The following BTBD7 variants were observed in gnomAD, a reference collection of about 807,000 sequenced individuals.
BTBD7 encodes BTB domain containing 7.
A neutral mutation model predicts 99.9 loss-of-function variants in BTBD7; 38 were observed. The ratio of observed to expected loss-of-function variants is 0.38; its 90% CI spans 0.29 to 0.50. The LOEUF is 0.50. Among genes scored for constraint, BTBD7 ranks in the 20% least tolerant of loss-of-function variants. The pLI, the probability that BTBD7 is intolerant of heterozygous loss-of-function variation, is 0.93. For synonymous variants in BTBD7, 520 were observed against 511.4 expected (o/e 1.02, Z -0.23); for missense variants, 1,170 against 1,394.6 (o/e 0.84, Z 2.57).
intron 1 of BTBD7, among the ~76,000 whole-genome samples, chr14:93,320,204 A>G (rs1426334065): frequency 6.6e-6 from 1 of 152,172 alleles, no homozygotes; most frequent in Non-Finnish European, 1.5e-5. Context: ...ACAAATGAGT[A>G]AGTGGACAGA....
Position 93,304,436 on chromosome 14 carries a change from C to T in BTBD7, c.-106-8279G>A, listed in dbSNP as rs146771858. On this transcript the variant is annotated intron_variant, in intron 1 of 10. Coordinates refer to ENST00000334746, the MANE Select transcript of BTBD7 (RefSeq NM_001002860.4). ...GCGCAATCTTGGCTCACTGCAACCT[C>T]TGCCATCCAGGTTCGAGCGATTCTC... 5.4e-3 allele frequency among the ~76,000 whole-genome samples: 816 copies of T among 152,354 alleles called. 12 individuals are homozygous for T. Among genetic ancestry groups the T allele is most frequent in the Middle Eastern group, 0.051 (15 of 294 alleles).
chr14:93,248,709 C>G, intron 8 of BTBD7, 55 bp from the exon 9 acceptor site: 2 of 1,450,102 alleles, frequency 1.4e-6, no homozygotes. Flanking sequence ...CAAAAGACGA[C>G]CCCGTGAGCC....
At chr14:93,319,284 A>G (rs1407833163) in intron 1 of BTBD7, among the ~76,000 whole-genome samples, 1 of 152,208 alleles carries the variant, frequency 6.6e-6, no homozygotes, top group Non-Finnish European at 1.5e-5. Context: ...ATGTTAAACT[A>G]TGGAGAAATA....
chr14:93,251,553 CATT>C lies in BTBD7; in HGVS notation c.1849_1851del (p.Asn617del). On this transcript the variant is annotated inframe_deletion, in exon 8 of 11. Coordinates refer to ENST00000334746, the MANE Select transcript of BTBD7 (RefSeq NM_001002860.4). ...ATCATGTGACAACACTGTGGCACGG[CATT>C]ATTGACCATGTAGAGCGTGTCTGGC... The C allele has an allele frequency of 5.6e-6, 9 of 1,614,000 alleles. No homozygotes were observed. The highest frequency in any genetic ancestry group is 7.6e-6 in the Non-Finnish European group (9 of 1,179,934).
At chr14:93,246,682 G>C (rs1432968444) in intron 9 of BTBD7, among the ~76,000 whole-genome samples, 1 of 152,240 alleles carries the variant, frequency 6.6e-6, no homozygotes, top group African/African-American at 2.4e-5. Context: ...AGACATCTAT[G>C]CCTGCTCTGT....
intron 1 of BTBD7, 135 bp from the exon 2 acceptor site, chr14:93,296,292 A>C (rs2052926110): frequency 1.7e-6 from 1 of 584,620 alleles, no homozygotes; most frequent in Admixed American, 4.1e-5. Flanking sequence ...TCAAATTTTC[A>C]TAAAATGTAA....
At position 93,240,294 on chromosome 14, in the gene BTBD7, C is replaced by T. The variant is rs2052210019; in HGVS notation, c.*1979G>A. ...TTTGCCGGGGCGTGCAGACACACGA[C>T]ATGTTTCCCATCTTGGAGACTATCT... On this transcript the variant is annotated 3_prime_UTR_variant, in exon 11 of 11. Coordinates refer to ENST00000334746, the MANE Select transcript of BTBD7 (RefSeq NM_001002860.4). 6.5e-6 allele frequency: 1 copy of T among 152,682 alleles called. No individual in the cohort carries two copies. Among genetic ancestry groups the T allele is most frequent in the Non-Finnish European group, 1.5e-5 (1 of 68,064 alleles). 9.5% of individuals were successfully genotyped at this position (152,682 alleles called of 1,614,324 possible). A position where few individuals can be genotyped will look rare whatever the true frequency, so the allele number is the denominator to read the frequency against.
Position 93,300,762 on chromosome 14 carries a change from GTGTGTGTGTGTATA to G in BTBD7, c.-106-4619_-106-4606del, listed in dbSNP as rs1427407902. On this transcript the variant is annotated intron_variant, in intron 1 of 10. Transcript: ENST00000334746. ...TGTGTGTGTGTGTGTGTGTGTGTGT[GTGTGTGTGTGTATA>G]TATATATATATTTTTTTTTTGTAGA... is the stretch of plus-strand genomic sequence containing the variant. Among the ~76,000 whole-genome samples, 46 of 33,292 alleles carry G rather than the reference GTGTGTGTGTGTATA, an allele frequency of 1.4e-3. 2 individuals carry two copies. Among genetic ancestry groups the G allele is most frequent in the East Asian group, 4.8e-3 (7 of 1,460 alleles). The allele number at this position is 33,292 out of a possible 152,430, so 21.8% of individuals were successfully genotyped here. A position where few individuals can be genotyped will look rare whatever the true frequency, so the allele number is the denominator to read the frequency against.
intron 9 of BTBD7, among the ~76,000 whole-genome samples, chr14:93,247,989 G>A (rs1252458042): frequency 1.3e-5 from 2 of 152,190 alleles, no homozygotes; most frequent in African/African-American, 4.8e-5. Context: ...TGAGGAAGTA[G>A]ACCAAACCTC....
chr14:93,263,550 GC>G (rs2052511970), intron 4 of BTBD7, among the ~76,000 whole-genome samples: 1 of 152,204 alleles, frequency 6.6e-6, no homozygotes, highest in Admixed American at 6.5e-5. Flanking sequence ...TCTTTTTGGT[GC>G]ATTTGGCTGG....
At chr14:93,299,523 T>C (rs772511559) in intron 1 of BTBD7, among the ~76,000 whole-genome samples, 24 of 152,230 alleles carry the variant, frequency 1.6e-4, no homozygotes, top group Admixed American at 1.2e-3. Context: ...GCCCAGAATA[T>C]GCAAAAGGCT....
rs1156390307 is a variant in BTBD7, at chr14:93,318,412, G to GT, written c.-107+14407dup. 8.5e-5 allele frequency among the ~76,000 whole-genome samples: 13 copies of GT among 152,186 alleles called. No individual in the cohort carries two copies. The East Asian group carries it at 2.1e-3, about 25-fold the overall frequency. ...AGAGTGATGTCAGCTTTAAAATAAT[G>GT]TTTTTTTAAGTTAGATTTATTTAAT... On this transcript the variant is annotated intron_variant, in intron 1 of 10. Coordinates refer to ENST00000334746, the MANE Select transcript of BTBD7 (RefSeq NM_001002860.4).
intron 3 of BTBD7, among the ~76,000 whole-genome samples, chr14:93,281,935 T>A: frequency 6.6e-6 from 1 of 152,244 alleles, no homozygotes; most frequent in East Asian, 1.9e-4. Flanking sequence ...ATGAATATTA[T>A]CAATCGTATT....
In BTBD7 at chr14:93,294,204, T is replaced by A. The variant is rs527919457; in HGVS notation, c.816A>T (p.Glu272Asp). 1.1e-5 allele frequency: 17 copies of A among 1,614,098 alleles called. No individual in the cohort carries two copies. In the African/African-American group the frequency reaches 2.3e-4, roughly 22 times the overall value. ...TAACAGCCTTGTGGGCTTTGAGCTC[T>A]TCATCTAAACAGTTCTGATTTCCAC... ...AFGGNQNCLD[E>D]ELKAHKAVIS... The change falls in exon 3 of 11, where the codon GAA (glutamate) becomes GAT (aspartate). Residue 272 changes from glutamate (E) to aspartate (D), a missense_variant. Around this residue, in one of 4 missense-constraint regions of BTBD7, gnomAD observed 359 missense variants for 497.9 expected, o/e 0.72. Coordinates refer to ENST00000334746, the MANE Select transcript of BTBD7 (RefSeq NM_001002860.4).
chr14:93,301,979 A>C (rs558464391), intron 1 of BTBD7, among the ~76,000 whole-genome samples: 1 of 152,310 alleles, frequency 6.6e-6, no homozygotes, highest in South Asian at 2.1e-4. Flanking sequence ...AATTGACATC[A>C]GGGATAAGGT....
At chr14:93,304,589 T>G (rs111393535) in intron 1 of BTBD7, among the ~76,000 whole-genome samples, 1,735 of 152,300 alleles carry the variant, frequency 0.011, 31 homozygotes, top group African/African-American at 0.039. Context: ...TGACCTCAGG[T>G]GATCTGCCGG....
chr14:93,310,935 A>G (rs2053130043), intron 1 of BTBD7, among the ~76,000 whole-genome samples: 1 of 152,108 alleles, frequency 6.6e-6, no homozygotes, highest in African/African-American at 2.4e-5. Context: ...AAACGATCAC[A>G]TGATAGTCTA....
chr14:93,287,603 T>C (rs1441894602), intron 3 of BTBD7: 1 of 152,194 alleles, frequency 6.6e-6, no homozygotes, highest in Admixed American at 6.5e-5. Flanking sequence ...TAATTCTTCA[T>C]AAATGCACCA....
chr14:93,318,636 G>C (rs1215752250), intron 1 of BTBD7, among the ~76,000 whole-genome samples: 1 of 152,174 alleles, frequency 6.6e-6, no homozygotes, highest in Non-Finnish European at 1.5e-5. Context: ...GAGTAAAGGA[G>C]AGTATAAAAA....
Sources: allele counts gnomAD v4.1 joint callset (sites outside exome capture counted in the v4.1 genomes callset), GRCh38; gene constraint gnomAD v4.1.1; regional missense constraint gnomAD v4.1.1; transcripts MANE v1.5; gene names NCBI Gene and HGNC (gene_info 2026-07-23, HGNC 2026-07-21).